KAT5: variants seen among roughly 807,000 people sequenced by gnomAD.
The protein encoded by KAT5 is lysine acetyltransferase 5.
A neutral mutation model predicts 68.1 loss-of-function variants in KAT5; 31 were observed. The observed-to-expected ratio is 0.46, with a 90% confidence interval of 0.34 to 0.61. The LOEUF (loss-of-function observed/expected upper bound fraction) is 0.61, where lower values mean the gene tolerates loss of function less well. Among genes scored for constraint, KAT5 ranks in the 20% least tolerant of loss-of-function variants. The pLI is 0.01. For synonymous variants in KAT5, 365 were observed against 292.6 expected, an observed-to-expected ratio of 1.25 and a Z score of -2.52; for missense variants, 451 against 725.5, an observed-to-expected ratio of 0.62 and a Z score of 4.35.
chr11:65,712,313 C>G lies in KAT5; in HGVS notation c.46C>G (p.Pro16Ala). ...GGTGCCCGGGGCGGGGCGGAGGGAG[C>G]CAGGGGAGGTGGGTAGAGCCCGAGG... ...SPVPGAGRREPGEVGRARGPP... is the reference protein window; with the variant it reads ...SPVPGAGRREAGEVGRARGPP... Residue 16 changes from proline to alanine, a missense_variant, in exon 1 of 13, where the codon CCA (proline) becomes GCA (alanine). Physicochemically the swap from Pro to Ala is conservative, Grantham distance 27. Transcript: ENST00000341318. The G allele has an allele frequency of 6.8e-7, 1 of 1,475,470 alleles. No individual in the cohort carries two copies. The highest frequency in any genetic ancestry group is 8.9e-7 in the Non-Finnish European group (1 of 1,118,420). 91.4% of individuals were successfully genotyped at this position (1,475,470 alleles called of 1,614,324 possible).
Position 65,719,562 on chromosome 11 carries a change from CTT to C in KAT5, c.*382_*383del. The C allele has an allele frequency of 1.6e-6, 1 of 637,736 alleles. No individual in the cohort carries two copies. Among genetic ancestry groups the C allele is most frequent in the Non-Finnish European group, 2.8e-6 (1 of 363,056 alleles). The allele number at this position is 637,736 out of a possible 1,614,324, so 39.5% of individuals were successfully genotyped here. ...CTGGCTGCAAAAATTTCTGGCTTCT[CTT>C]ACCCCTATTGCCCCCGGCAATAAAT... On this transcript the variant is annotated 3_prime_UTR_variant, in exon 13 of 13. Coordinates refer to ENST00000341318, the MANE Select transcript of KAT5 (RefSeq NM_182710.3).
chr11:65,713,117 G>C, intron 3 of KAT5, 59 bp downstream of exon 3: 1 of 1,600,214 alleles, frequency 6.2e-7, no homozygotes, highest in Non-Finnish European at 8.5e-7. Context: ...TTGTCTGTTG[G>C]CATTAGGAGC....
At position 65,719,562 on chromosome 11, in the gene KAT5, C is replaced by G; in HGVS notation, c.*381C>G. On this transcript the variant is annotated 3_prime_UTR_variant, in exon 13 of 13. Transcript: ENST00000341318. ...CTGGCTGCAAAAATTTCTGGCTTCT[C>G]TTACCCCTATTGCCCCCGGCAATAA... The G allele has an allele frequency of 1.6e-6, 1 of 637,736 alleles. No homozygotes were observed. Among genetic ancestry groups the G allele is most frequent in the South Asian group, 1.9e-5 (1 of 53,732 alleles). The allele number at this position is 637,736 out of a possible 1,614,324, so 39.5% of individuals were successfully genotyped here. A position where few individuals can be genotyped will look rare whatever the true frequency, so the allele number is the denominator to read the frequency against.
At position 65,712,308 on chromosome 11, in the gene KAT5, G is replaced by C; in HGVS notation, c.41G>C (p.Arg14Thr). The change falls in exon 1 of 13, where the codon AGG (arginine) becomes ACG (threonine). Residue 14 changes from arginine to threonine, a missense_variant. Physicochemically the swap from Arg to Thr is moderately conservative, Grantham distance 71. Coordinates refer to ENST00000341318, the MANE Select transcript of KAT5 (RefSeq NM_182710.3). ...AGTCCGGTGCCCGGGGCGGGGCGGA[G>C]GGAGCCAGGGGAGGTGGGTAGAGCC... Reference protein sequence around the residue: ...VVSPVPGAGRREPGEVGRARG... With the variant: ...VVSPVPGAGRTEPGEVGRARG... 1 of 1,468,508 alleles carries C rather than the reference G, an allele frequency of 6.8e-7. No homozygotes were observed. The highest frequency in any genetic ancestry group is 9.0e-7 in the Non-Finnish European group (1 of 1,113,906). 91.0% of individuals were successfully genotyped at this position (1,468,508 alleles called of 1,614,324 possible).
Position 65,718,918 on chromosome 11 carries a change from C to T in KAT5, c.1470C>T (p.Ser490=), listed in dbSNP as rs779408582. The T allele has an allele frequency of 2.5e-6, 4 of 1,614,170 alleles. No homozygotes were observed. The Admixed American group carries it at 6.7e-5, about 27-fold the overall frequency. ...ITSIKKEDVI[S]TLQYLNLINY... is the part of the protein sequence containing the mutation. ...GCATCAAGAAGGAGGATGTCATCTCCACTCTGCAGTACCTCAATCTCATCA... is the reference window on the plus strand; with the variant it reads ...GCATCAAGAAGGAGGATGTCATCTCTACTCTGCAGTACCTCAATCTCATCA... The change falls in exon 12 of 13, where the codon TCC becomes TCT. Residue 490 remains serine (S), a synonymous_variant. Coordinates refer to ENST00000341318, the MANE Select transcript of KAT5 (RefSeq NM_182710.3).
At position 65,716,403 on chromosome 11, in the gene KAT5, C is replaced by T. The variant is rs2135635941; in HGVS notation, c.1030-264C>T. 6 of 500,900 alleles carry T rather than the reference C, an allele frequency of 1.2e-5. No individual in the cohort carries two copies. In the South Asian group the frequency reaches 1.2e-4, roughly 10 times the overall value. 31.0% of individuals were successfully genotyped at this position (500,900 alleles called of 1,614,324 possible). A position where few individuals can be genotyped will look rare whatever the true frequency, so the allele number is the denominator to read the frequency against. On this transcript the variant is annotated intron_variant, in intron 8 of 12. Coordinates refer to ENST00000341318, the MANE Select transcript of KAT5 (RefSeq NM_182710.3). ...TGGTCAGGCTTAGAATGGAGGTGTG[C>T]GGAGCAAGGCGGGAAACTTGCCTGA...
chr11:65,718,410 A>G (rs1031794741), intron 10 of KAT5, 180 bp from the exon 11 acceptor site: 27 of 660,124 alleles, frequency 4.1e-5, no homozygotes, highest in Non-Finnish European at 6.9e-5. Context: ...GCGCACGGAA[A>G]GAGTGAATAC....
Position 65,719,338 on chromosome 11 carries a change from C to G in KAT5, c.*157C>G. On this transcript the variant is annotated 3_prime_UTR_variant, in exon 13 of 13. Transcript: ENST00000341318. ...GGCCTGGCAGGGGCCCACTGGTGCC[C>G]AGCACCAAGGCGAGCTCCGGGCTCA... The G allele has an allele frequency of 1.1e-6, 1 of 931,872 alleles. No individual in the cohort carries two copies. The highest frequency in any genetic ancestry group is 1.6e-6 in the Non-Finnish European group (1 of 637,890). The allele number at this position is 931,872 out of a possible 1,614,324, so 57.7% of individuals were successfully genotyped here.
Position 65,719,217 on chromosome 11 carries a change from A to G in KAT5, c.*36A>G, listed in dbSNP as rs1473178566. 2 of 1,608,150 alleles carry G rather than the reference A, an allele frequency of 1.2e-6. No individual in the cohort carries two copies. Among genetic ancestry groups the G allele is most frequent in the East Asian group, 2.2e-5 (1 of 44,860 alleles). On this transcript the variant is annotated 3_prime_UTR_variant, in exon 13 of 13. Transcript: ENST00000341318. Reference sequence around the variant, plus strand: ...CCCACTGCAGTGCCAAGACGGCAGCAGGACTGGGGCTGATAGCCCACCCCG... The same window carrying G: ...CCCACTGCAGTGCCAAGACGGCAGCGGGACTGGGGCTGATAGCCCACCCCG...
Position 65,716,930 on chromosome 11 carries a change from A to G in KAT5, c.1212A>G (p.Leu404=), listed in dbSNP as rs1361504868. 2 of 1,614,030 alleles carry G rather than the reference A, an allele frequency of 1.2e-6. No individual in the cohort carries two copies. The highest frequency in any genetic ancestry group is 1.7e-6 in the Non-Finnish European group (2 of 1,180,004). ...STEDYNVACI[L]TLPPYQRRGY... ...AAGACTACAATGTGGCCTGCATCCTAACCCTGCCTCCCTACCAGCGCCGGG... is the reference window on the plus strand; with the variant it reads ...AAGACTACAATGTGGCCTGCATCCTGACCCTGCCTCCCTACCAGCGCCGGG... Residue 404 remains leucine (L), a synonymous_variant, in exon 10 of 13, where the codon CTA becomes CTG. Transcript: ENST00000341318.
chr11:65,714,747 TGA>T lies in KAT5; in HGVS notation c.939+6_939+7del. 6.2e-7 allele frequency: 1 copy of T among 1,614,218 alleles called. No individual in the cohort carries two copies. The highest frequency in any genetic ancestry group is 8.5e-7 in the Non-Finnish European group (1 of 1,180,034). On this transcript the variant is annotated splice_donor_5th_base_variant and intron_variant, in intron 7 of 12. Coordinates refer to ENST00000341318, the MANE Select transcript of KAT5 (RefSeq NM_182710.3). ...CAAGTGTCTTCAGCGTCATTTGGTA[TGA>T]GGGGTCCAGGGAGGCTGCCTTCCCA...
Position 65,713,475 on chromosome 11 carries a change from C to T in KAT5, c.512C>T (p.Ser171Phe). The change falls in exon 4 of 13, where the codon TCC becomes TTC. Residue 171 changes from serine to phenylalanine, a missense_variant. Ser to Phe is a radical substitution (Grantham distance 155). Around this residue, in one of 4 missense-constraint regions of KAT5, gnomAD observed 135 missense variants for 173.4 expected, o/e 0.78. Coordinates refer to ENST00000341318, the MANE Select transcript of KAT5 (RefSeq NM_182710.3). ...GEPDQPLSSS[S>F]CLQPNHRSTK... ...CCTGACCAGCCGCTCTCCTCCAGCT[C>T]CTGCCTGCAGCCCAACCACCGCTCA... 1 of 1,614,220 alleles carries T rather than the reference C, an allele frequency of 6.2e-7. No individual in the cohort carries two copies. The highest frequency in any genetic ancestry group is 8.5e-7 in the Non-Finnish European group (1 of 1,180,032).
In KAT5 at chr11:65,714,600, G is replaced by C. The variant is rs139506891; in HGVS notation, c.796G>C (p.Glu266Gln). Residue 266 changes from glutamate (E) to glutamine (Q), a missense_variant, in exon 7 of 13, where the codon GAG becomes CAG. This residue lies in a region of KAT5 where 210 missense variants were observed against 423.7 expected (regional missense o/e 0.50). Transcript: ENST00000341318. ...DDIVTRMKNI[E>Q]CIELGRHRLK... is the part of the protein sequence containing the mutation. ...CATCGTCACCCGGATGAAGAACATT[G>C]AGTGCATTGAGCTGGGCCGGCACCG... 2.5e-6 allele frequency: 4 copies of C among 1,614,040 alleles called. No homozygotes were observed. Among genetic ancestry groups the C allele is most frequent in the Non-Finnish European group, 3.4e-6 (4 of 1,180,030 alleles).
At chr11:65,717,073 G>A (rs1857221541) in intron 10 of KAT5, 91 bp downstream of exon 10, 1 of 1,041,482 alleles carries the variant, frequency 9.6e-7, no homozygotes, top group Non-Finnish European at 1.5e-6. Context: ...CTCAACCCTG[G>A]CTGTGCAGCC....
At position 65,712,959 on chromosome 11, in the gene KAT5, G is replaced by A. The variant is rs746298630; in HGVS notation, c.285G>A (p.Arg95=). The change falls in exon 3 of 13, where the codon CGG becomes CGA. Residue 95 remains arginine (R), a synonymous_variant. Transcript: ENST00000341318. ...TGGATGAATGGGTGACGCATGAGCG[G>A]CTGGACCTAAAGAAGATCCAGTTCC... is the stretch of plus-strand genomic sequence containing the variant. ...KRLDEWVTHE[R]LDLKKIQFPK... is the part of the protein sequence containing the mutation. 8 of 1,614,146 alleles carry A rather than the reference G, an allele frequency of 5.0e-6. No individual in the cohort carries two copies. Among genetic ancestry groups the A allele is most frequent in the Middle Eastern group, 1.7e-4 (1 of 6,046 alleles).
rs774405578 is a variant in KAT5, at chr11:65,719,181, A to ACC, written c.*1_*2dup. 1 of 1,613,460 alleles carries ACC rather than the reference A, an allele frequency of 6.2e-7. No individual in the cohort carries two copies. Among genetic ancestry groups the ACC allele is most frequent in the African/African-American group, 1.3e-5 (1 of 74,940 alleles). On this transcript the variant is annotated 3_prime_UTR_variant, in exon 13 of 13. Transcript: ENST00000341318. The stretch of plus-strand genomic sequence containing the variant: ...ACTGGAGCAAGAGGGGGAAGTGGTG[A>ACC]CCAGACACTGCCCACTGCAGTGCCA...
Position 65,713,359 on chromosome 11 carries a change from G to A in KAT5, c.396G>A (p.Ala132=), listed in dbSNP as rs773998223. 46 of 1,613,476 alleles carry A rather than the reference G, an allele frequency of 2.9e-5. No individual in the cohort carries two copies. The highest frequency in any genetic ancestry group is 5.0e-5 in the Admixed American group (3 of 59,960). ...GSPEREVPAS[A]QASGKTLPIP... is the part of the protein sequence containing the mutation. ...ACCTATCTCTACAGCCGGCCTCGGCGCAGGCCAGCGGGAAGACCTTGCCAA... is the reference window on the plus strand; with the variant it reads ...ACCTATCTCTACAGCCGGCCTCGGCACAGGCCAGCGGGAAGACCTTGCCAA... Residue 132 remains alanine (A), a synonymous_variant, in exon 4 of 13, where the codon GCG becomes GCA. Coordinates refer to ENST00000341318, the MANE Select transcript of KAT5 (RefSeq NM_182710.3).
At position 65,716,912 on chromosome 11, in the gene KAT5, C is replaced by A; in HGVS notation, c.1194C>A (p.Tyr398Ter). 6.2e-7 allele frequency: 1 copy of A among 1,614,128 alleles called. No homozygotes were observed. Among genetic ancestry groups the A allele is most frequent in the Non-Finnish European group, 8.5e-7 (1 of 1,179,972 alleles). ...AGGAGAAAGAATCAACGGAAGACTA[C>A]AATGTGGCCTGCATCCTAACCCTGC... ...FSKEKESTED[Y>*]NVACILTLPP... The change falls in exon 10 of 13, where the codon TAC becomes TAA. Residue 398 changes from tyrosine (Y) to a stop codon, truncating the protein, a stop_gained. Coordinates refer to ENST00000341318, the MANE Select transcript of KAT5 (RefSeq NM_182710.3). LOFTEE classifies it high-confidence loss of function.
At chr11:65,714,461 T>G in intron 6 of KAT5, 34 bp from the exon 7 acceptor site, 1 of 1,607,152 alleles carries the variant, frequency 6.2e-7, no homozygotes, top group Non-Finnish European at 8.5e-7. Context: ...GAGCTGTCTC[T>G]TACAACCTGG....
Sources: allele counts gnomAD v4.1 joint callset, GRCh38; gene constraint gnomAD v4.1.1; regional missense constraint gnomAD v4.1.1; transcripts MANE v1.5; gene names NCBI Gene and HGNC (gene_info 2026-07-23, HGNC 2026-07-21).